The following SV2B variants were observed in gnomAD, a reference collection of about 807,000 sequenced individuals.
SV2B encodes the protein solute carrier family 22 member B2.
Under a neutral mutation model 73.9 loss-of-function variants are expected in SV2B, and 41 were observed. That is an observed-to-expected ratio of 0.56 (90% CI 0.43 to 0.72). SV2B has a LOEUF of 0.72. Among genes scored for constraint, SV2B ranks in the 30% least tolerant of loss-of-function variants. The pLI is 0.00. For missense variants in SV2B, 764 were observed against 857.8 expected (o/e 0.89, Z 1.37); for synonymous variants, 314 against 314.2 (o/e 1.00, Z 0.01).
At chr15:91,193,216 G>A (rs1244386055) in intron 1 of SV2B, among the ~76,000 whole-genome samples, 2 of 152,144 alleles carry the variant, frequency 1.3e-5, no homozygotes, top group African/African-American at 4.8e-5. Context: ...TGCAAGTGCC[G>A]CAGGAGGAGA....
chr15:91,149,117 C>T (rs2043232337), intron 1 of SV2B, among the ~76,000 whole-genome samples: 1 of 152,212 alleles, frequency 6.6e-6, no homozygotes, highest in Non-Finnish European at 1.5e-5. Flanking sequence ...AAAATATAGA[C>T]TGGTCCTATC....
rs1392901566 is a variant in SV2B, at chr15:91,245,408, G to T, written c.452-6411G>T. Among the ~76,000 whole-genome samples, 1 of 152,208 alleles carries T rather than the reference G, an allele frequency of 6.6e-6. No homozygotes were observed. The highest frequency in any genetic ancestry group is 1.9e-4 in the East Asian group (1 of 5,202). The stretch of plus-strand genomic sequence containing the variant: ...GAAAGATTTCTATCGTGTAAATACA[G>T]TATGTAGTTATACACGTACCAATAC... On this transcript the variant is annotated intron_variant, in intron 2 of 12. Coordinates refer to ENST00000394232, the MANE Select transcript of SV2B (RefSeq NM_001323032.3). The surrounding 1 kb of genome is among the most constrained non-coding windows in gnomAD (Gnocchi z 4.2).
intron 1 of SV2B, among the ~76,000 whole-genome samples, chr15:91,162,451 A>G (rs935002502): frequency 2.6e-5 from 4 of 152,230 alleles, no homozygotes; most frequent in African/African-American, 7.2e-5. Flanking sequence ...ATTGGCTTGG[A>G]AAGCTGTATA....
Position 91,133,731 on chromosome 15 carries a change from C to T in SV2B, c.-392+33368C>T, listed in dbSNP as rs566344364. Among the ~76,000 whole-genome samples, 4 of 152,196 alleles carry T rather than the reference C, an allele frequency of 2.6e-5. 1 individual carries two copies. Among genetic ancestry groups the T allele is most frequent in the African/African-American group, 2.4e-5 (1 of 41,502 alleles). On this transcript the variant is annotated intron_variant, in intron 1 of 12. Coordinates refer to ENST00000394232, the MANE Select transcript of SV2B (RefSeq NM_001323032.3). ...AGCAGGGTCACTGGACACAGCTTGG[C>T]GCCATGGCAACAAAGTCTTTGACTG...
intron 1 of SV2B, among the ~76,000 whole-genome samples, chr15:91,148,072 C>T (rs1050522542): frequency 6.9e-6 from 1 of 145,664 alleles, no homozygotes; most frequent in Admixed American, 7.1e-5. Context: ...CTTCCGCCTC[C>T]CGGGTTCAAG....
rs1344773145 is a variant in SV2B, at chr15:91,232,414, G to T, written c.451+5700G>T. The stretch of plus-strand genomic sequence containing the variant: ...CTCCCTTAGCAGACGTACACGGATT[G>T]CTGTGTTTAGGAGTGTGGAGTTGAT... On this transcript the variant is annotated intron_variant, in intron 2 of 12. Transcript: ENST00000394232. The surrounding 1 kb of genome is among the most constrained non-coding windows in gnomAD (Gnocchi z 4.7). 6.6e-6 allele frequency among the ~76,000 whole-genome samples: 1 copy of T among 152,192 alleles called. No homozygotes were observed. The highest frequency in any genetic ancestry group is 1.5e-5 in the Non-Finnish European group (1 of 68,036).
At position 91,103,368 on chromosome 15, in the gene SV2B, G is replaced by A. The variant is rs141522032; in HGVS notation, c.-392+3005G>A. Among the ~76,000 whole-genome samples the A allele has an allele frequency of 2.2e-4, 33 of 152,202 alleles. No individual in the cohort carries two copies. In the East Asian group the frequency reaches 5.4e-3, roughly 25 times the overall value. ...CCTTTCCCCCACACTAAAAGAAAAG[G>A]TCATCTTTAGCAAACAGGCCAGCAG... is the stretch of plus-strand genomic sequence containing the variant. On this transcript the variant is annotated intron_variant, in intron 1 of 12. Transcript: ENST00000394232.
chr15:91,209,107 G>GTTTTTTTTTTTT (rs1362781398), intron 1 of SV2B, among the ~76,000 whole-genome samples: 2 of 121,968 alleles, frequency 1.6e-5, no homozygotes, highest in African/African-American at 7.3e-5. Context: ...TGGCAGTACT[G>GTTTTTTTTTTTT]TTTTTTGTTT....
rs902919916 is a variant in SV2B at position 91,289,368 on chromosome 15, GCT to G, written c.1709-146_1709-145del. Among the ~76,000 whole-genome samples the G allele has an allele frequency of 6.6e-6, 1 of 152,216 alleles. No homozygotes were observed. Among genetic ancestry groups the G allele is most frequent in the African/African-American group, 2.4e-5 (1 of 41,450 alleles). On this transcript the variant is annotated intron_variant, in intron 11 of 12. Coordinates refer to ENST00000394232, the MANE Select transcript of SV2B (RefSeq NM_001323032.3). The surrounding 1 kb of genome is among the most constrained non-coding windows in gnomAD (Gnocchi z 4.9). ...GGTGCCTTGTGAGGATTCCAGCTGT[GCT>G]CTCTCTGTGTGGAGGGTGAACCTAA...
Position 91,115,130 on chromosome 15 carries a change from C to T in SV2B, c.-392+14767C>T, listed in dbSNP as rs528680311. Among the ~76,000 whole-genome samples, 10 of 152,218 alleles carry T rather than the reference C, an allele frequency of 6.6e-5. No individual in the cohort carries two copies. Among genetic ancestry groups the T allele is most frequent in the Non-Finnish European group, 2.9e-5 (2 of 68,036 alleles). ...ATAGGTCCTGAGCAGGCAAAGCCAA[C>T]AGGTGTCCACTACACACGCTGAGCT... On this transcript the variant is annotated intron_variant, in intron 1 of 12. Transcript: ENST00000394232. This position sits in a 1 kb window ranked among gnomAD's most constrained non-coding sequence, Gnocchi z 4.3.
intron 1 of SV2B, among the ~76,000 whole-genome samples, chr15:91,158,689 CTCTTCTCTT>C (rs1567300601): frequency 1.8e-4 from 15 of 83,614 alleles, no homozygotes; most frequent in African/African-American, 5.0e-4. Flanking sequence ...CTCTTCTCTT[CTCTTCTCTT>C]CTCTCCTCTC....
chr15:91,114,779 G>A (rs1163034783), intron 1 of SV2B, among the ~76,000 whole-genome samples: 2 of 152,162 alleles, frequency 1.3e-5, no homozygotes, highest in Non-Finnish European at 2.9e-5. Flanking sequence ...GCAGAAGAAC[G>A]GGTCTCTGGG....
At chr15:91,287,645 G>A (rs1388036361) in intron 11 of SV2B, among the ~76,000 whole-genome samples, 4 of 152,136 alleles carry the variant, frequency 2.6e-5, no homozygotes, top group African/African-American at 9.7e-5. Flanking sequence ...CCAGAGTTCT[G>A]AGCTGGACTT....
At chr15:91,269,459 G>T (rs2048222078) in intron 9 of SV2B, among the ~76,000 whole-genome samples, 1 of 152,206 alleles carries the variant, frequency 6.6e-6, no homozygotes, top group South Asian at 2.1e-4. Context: ...CCATGGCCCA[G>T]ATAGTTCAAT....
chr15:91,296,280 T>G lies in SV2B; in HGVS notation c.*3728T>G, dbSNP rs760916596. Reference sequence around the variant, plus strand: ...ATCTGGCTTTTCTAGGGGGCATCTGTGCTAACTGACCTGGGATTATGTTGG... The same window carrying G: ...ATCTGGCTTTTCTAGGGGGCATCTGGGCTAACTGACCTGGGATTATGTTGG... On this transcript the variant is annotated 3_prime_UTR_variant, in exon 13 of 13. Coordinates refer to ENST00000394232, the MANE Select transcript of SV2B (RefSeq NM_001323032.3). The G allele has an allele frequency of 1.3e-5, 2 of 152,258 alleles. No homozygotes were observed. Among genetic ancestry groups the G allele is most frequent in the African/African-American group, 2.4e-5 (1 of 41,474 alleles). 9.4% of individuals were successfully genotyped at this position (152,258 alleles called of 1,614,324 possible).
At chr15:91,203,903 C>G (rs1161517927) in intron 1 of SV2B, among the ~76,000 whole-genome samples, 1 of 152,186 alleles carries the variant, frequency 6.6e-6, no homozygotes, top group Non-Finnish European at 1.5e-5. Context: ...AAAGTGCTTT[C>G]AGAAGACCAA....
At position 91,223,127 on chromosome 15, in the gene SV2B, G is replaced by A. The variant is rs971349949; in HGVS notation, c.-391-2746G>A. Among the ~76,000 whole-genome samples, 12 of 152,136 alleles carry A rather than the reference G, an allele frequency of 7.9e-5. No homozygotes were observed. The highest frequency in any genetic ancestry group is 2.9e-4 in the African/African-American group (12 of 41,426). On this transcript the variant is annotated intron_variant, in intron 1 of 12. Coordinates refer to ENST00000394232, the MANE Select transcript of SV2B (RefSeq NM_001323032.3). The surrounding 1 kb of genome is among the most constrained non-coding windows in gnomAD (Gnocchi z 4.6). Reference sequence around the variant, plus strand: ...TCTTCACTTTGTCTTCCTTTTGAGCGTGTCTGTCTCTGTGTCCTTTTGTGA... The same window carrying A: ...TCTTCACTTTGTCTTCCTTTTGAGCATGTCTGTCTCTGTGTCCTTTTGTGA...
Position 91,214,967 on chromosome 15 carries a change from C to G in SV2B, c.-391-10906C>G, listed in dbSNP as rs370729306. On this transcript the variant is annotated intron_variant, in intron 1 of 12. Transcript: ENST00000394232. This position sits in a 1 kb window ranked among gnomAD's most constrained non-coding sequence, Gnocchi z 4.7. ...TTCTGTTTACCAGTCGTACTGCAGGCTGGGACCATTGTTGCTGACCCCAGG... is the reference window on the plus strand; with the variant it reads ...TTCTGTTTACCAGTCGTACTGCAGGGTGGGACCATTGTTGCTGACCCCAGG... Among the ~76,000 whole-genome samples, 1 of 152,240 alleles carries G rather than the reference C, an allele frequency of 6.6e-6. No individual in the cohort carries two copies. Among genetic ancestry groups the G allele is most frequent in the Admixed American group, 6.5e-5 (1 of 15,284 alleles).
At chr15:91,266,059 T>C (rs1195493543) in intron 6 of SV2B, among the ~76,000 whole-genome samples, 2 of 152,002 alleles carry the variant, frequency 1.3e-5, no homozygotes, top group Non-Finnish European at 2.9e-5. Context: ...AGGAGAATCG[T>C]TTGAACCTGG....
Sources: allele counts gnomAD v4.1 joint callset (sites outside exome capture counted in the v4.1 genomes callset), GRCh38; gene constraint gnomAD v4.1.1; non-coding constraint Gnocchi (gnomAD v3.1); transcripts MANE v1.5; gene names NCBI Gene and HGNC (gene_info 2026-07-23, HGNC 2026-07-21).